Variants in PLAG1 observed in about 807,000 individuals in gnomAD.
PLAG1 encodes the protein PLAG1 zinc finger, also known as zinc finger protein PLAG1.
Under a neutral mutation model 35.5 loss-of-function variants are expected in PLAG1, and 7 were observed. That is an observed-to-expected ratio of 0.20 (90% CI 0.11 to 0.37). PLAG1 has a LOEUF of 0.37. PLAG1 is among the 10% of genes least tolerant of loss of function. PLAG1 has a pLI of 1.00. For synonymous variants in PLAG1, 229 were observed against 225.4 expected, an observed-to-expected ratio of 1.02 and a Z score of -0.14; for missense variants, 454 against 602.8, an observed-to-expected ratio of 0.75 and a Z score of 2.58.
intron 2 of PLAG1, among the ~76,000 whole-genome samples, chr8:56,177,196 G>A (rs1373237728): frequency 6.6e-6 from 1 of 152,192 alleles, no homozygotes; most frequent in African/African-American, 2.4e-5. Context: ...TGATGCTTTA[G>A]TAGTACTAAA....
intron 1 of PLAG1, among the ~76,000 whole-genome samples, chr8:56,202,664 A>G (rs997465283): frequency 1.7e-4 from 26 of 152,244 alleles, no homozygotes; most frequent in African/African-American, 5.8e-4. Context: ...TGAACTAAGA[A>G]TAATTAAATT....
chr8:56,176,843 C>A (rs1052727946), intron 2 of PLAG1, among the ~76,000 whole-genome samples: 5 of 152,016 alleles, frequency 3.3e-5, no homozygotes, highest in Non-Finnish European at 7.4e-5. Flanking sequence ...ATGTTTGACA[C>A]CAACTATAAA....
At chr8:56,194,134 C>T (rs552141921) in intron 1 of PLAG1, among the ~76,000 whole-genome samples, 305 of 151,812 alleles carry the variant, frequency 2.0e-3, no homozygotes, top group Middle Eastern at 3.4e-3. Context: ...GCCAACATAG[C>T]GAAACCCCAT....
intron 1 of PLAG1, among the ~76,000 whole-genome samples, chr8:56,210,760 A>T (rs1425367537): frequency 6.6e-6 from 1 of 151,260 alleles, no homozygotes; most frequent in African/African-American, 2.4e-5. Context: ...CAATATTCAC[A>T]GCACCAGAGA....
rs1416248059 is a variant in PLAG1, at chr8:56,166,672, A to G, written c.1074T>C (p.Ser358=). Residue 358 remains serine (S), a synonymous_variant, in exon 5 of 5, where the codon AGT becomes AGC. Transcript: ENST00000316981. ...CGCCACCTTGTAACTCCATCAGGTA[A>G]CTCTCAATTTCCCCCTTTAATGGCT... The part of the protein sequence containing the change: ...KEQPLKGEIE[S]YLMELQGGVP... The G allele has an allele frequency of 6.2e-7, 1 of 1,614,028 alleles. No homozygotes were observed. The highest frequency in any genetic ancestry group is 1.7e-5 in the Admixed American group (1 of 60,004).
At position 56,163,659 on chromosome 8, in the gene PLAG1, A is replaced by ATGTG. The variant is rs527794676; in HGVS notation, c.*2580_*2583dup. ...ATTTCATGCAGGGCAAGATTTAAGT[A>ATGTG]TGTGTGTGTGTGTGTATATATACAC... On this transcript the variant is annotated 3_prime_UTR_variant, in exon 5 of 5. Transcript: ENST00000316981. 3.8e-3 allele frequency: 705 copies of ATGTG among 185,850 alleles called. 9 individuals are homozygous for ATGTG. The highest frequency in any genetic ancestry group is 0.015 in the African/African-American group (613 of 41,712). The allele number at this position is 185,850 out of a possible 1,614,324, so 11.5% of individuals were successfully genotyped here.
chr8:56,193,738 C>T lies in PLAG1; in HGVS notation c.-321-14225G>A, dbSNP rs536536832. Among the ~76,000 whole-genome samples the T allele has an allele frequency of 2.0e-5, 3 of 147,614 alleles. No homozygotes were observed. In the Admixed American group the frequency reaches 2.0e-4, roughly 10 times the overall value. The stretch of plus-strand genomic sequence containing the variant: ...TTTGAGACGGAGTCTCACTCTGTCG[C>T]CCAGGCTGGAGTGCAGTGGCACGAT... On this transcript the variant is annotated intron_variant, in intron 1 of 4. Coordinates refer to ENST00000316981, the MANE Select transcript of PLAG1 (RefSeq NM_002655.3).
chr8:56,181,334 T>C (rs964827095), intron 1 of PLAG1, among the ~76,000 whole-genome samples: 2 of 152,166 alleles, frequency 1.3e-5, no homozygotes, highest in African/African-American at 2.4e-5. Flanking sequence ...CCATCAATGA[T>C]AGACTGGATT....
At position 56,164,317 on chromosome 8, in the gene PLAG1, T is replaced by C. The variant is rs1280443789; in HGVS notation, c.*1926A>G. 4.6e-6 allele frequency: 1 copy of C among 216,424 alleles called. No homozygotes were observed. The highest frequency in any genetic ancestry group is 6.6e-5 in the East Asian group (1 of 15,076). 13.4% of individuals were successfully genotyped at this position (216,424 alleles called of 1,614,324 possible). A position where few individuals can be genotyped will look rare whatever the true frequency, so the allele number is the denominator to read the frequency against. ...TTGATTCTATGAAGTGCGGTATGTG[T>C]GCATGTGTGTGTGTGTGTGTATTAT... is the stretch of plus-strand genomic sequence containing the variant. On this transcript the variant is annotated 3_prime_UTR_variant, in exon 5 of 5. Coordinates refer to ENST00000316981, the MANE Select transcript of PLAG1 (RefSeq NM_002655.3).
chr8:56,202,496 C>T (rs938219176), intron 1 of PLAG1, among the ~76,000 whole-genome samples: 8 of 152,172 alleles, frequency 5.3e-5, no homozygotes, highest in African/African-American at 1.2e-4. Flanking sequence ...CTTAGACATG[C>T]GGGTATTTTG....
Position 56,164,728 on chromosome 8 carries a change from A to G in PLAG1, c.*1515T>C. The G allele has an allele frequency of 4.6e-6, 1 of 216,464 alleles. No individual in the cohort carries two copies. Among genetic ancestry groups the G allele is most frequent in the Non-Finnish European group, 9.3e-6 (1 of 107,236 alleles). 13.4% of individuals were successfully genotyped at this position (216,464 alleles called of 1,614,324 possible). A position where few individuals can be genotyped will look rare whatever the true frequency, so the allele number is the denominator to read the frequency against. ...AAAATATATTAATTAGACCTTTAAG[A>G]AGATTATGTTGGTTGTCTAATGTGA... On this transcript the variant is annotated 3_prime_UTR_variant, in exon 5 of 5. Transcript: ENST00000316981.
At chr8:56,198,375 C>T (rs763867784) in intron 1 of PLAG1, among the ~76,000 whole-genome samples, 7 of 152,202 alleles carry the variant, frequency 4.6e-5, no homozygotes, top group Admixed American at 6.5e-5. Flanking sequence ...CCCAGCAACA[C>T]GCCTCTCAAA....
At chr8:56,176,172 C>A (rs993192769) in intron 2 of PLAG1, among the ~76,000 whole-genome samples, 1 of 151,864 alleles carries the variant, frequency 6.6e-6, no homozygotes, top group Non-Finnish European at 1.5e-5. Context: ...GCCTCAGCCT[C>A]CGCAGCAGCT....
intron 1 of PLAG1, among the ~76,000 whole-genome samples, chr8:56,196,847 C>T (rs528740667): frequency 1.3e-4 from 20 of 151,904 alleles, no homozygotes; most frequent in Non-Finnish European, 2.2e-4. Context: ...CATCCAGATG[C>T]GTGGGGGTGT....
chr8:56,173,620 T>G (rs182509396), intron 2 of PLAG1, among the ~76,000 whole-genome samples: 163 of 152,188 alleles, frequency 1.1e-3, no homozygotes, highest in Non-Finnish European at 1.2e-3. Context: ...GATTGGTTAT[T>G]GTGCTTTTCA....
chr8:56,183,805 C>T (rs1461089582), intron 1 of PLAG1, among the ~76,000 whole-genome samples: 4 of 152,086 alleles, frequency 2.6e-5, no homozygotes, highest in Non-Finnish European at 2.9e-5. Context: ...ATTGGAATCA[C>T]ATCTCACACC....
intron 2 of PLAG1, among the ~76,000 whole-genome samples, chr8:56,172,342 A>G (rs988806674): frequency 3.9e-5 from 6 of 152,168 alleles, no homozygotes; most frequent in African/African-American, 1.2e-4. Flanking sequence ...TAGACCTATA[A>G]AGGTATTTTA....
intron 1 of PLAG1, among the ~76,000 whole-genome samples, chr8:56,199,619 C>T (rs1028110109): frequency 7.9e-5 from 12 of 152,110 alleles, no homozygotes; most frequent in Admixed American, 5.2e-4. Flanking sequence ...CAAGGACCTA[C>T]GAGGGGCTGG....
At position 56,164,969 on chromosome 8, in the gene PLAG1, T is replaced by G. The variant is rs1418762489; in HGVS notation, c.*1274A>C. ...TGTGGTAGTTCATCAGGTAGTTTTC[T>G]AATGCATTTAACTTCAAATTCTCCA... On this transcript the variant is annotated 3_prime_UTR_variant, in exon 5 of 5. Coordinates refer to ENST00000316981, the MANE Select transcript of PLAG1 (RefSeq NM_002655.3). 1 of 207,138 alleles carries G rather than the reference T, an allele frequency of 4.8e-6. No individual in the cohort carries two copies. The highest frequency in any genetic ancestry group is 9.8e-6 in the Non-Finnish European group (1 of 101,550). 12.8% of individuals were successfully genotyped at this position (207,138 alleles called of 1,614,324 possible). A position where few individuals can be genotyped will look rare whatever the true frequency, so the allele number is the denominator to read the frequency against.
Sources: allele counts gnomAD v4.1 joint callset (sites outside exome capture counted in the v4.1 genomes callset), GRCh38; gene constraint gnomAD v4.1.1; transcripts MANE v1.5; gene names NCBI Gene and HGNC (gene_info 2026-07-23, HGNC 2026-07-21).